Variants in USH2A observed in about 807,000 individuals in gnomAD.
The protein encoded by USH2A is Usher syndrome 2A (autosomal recessive, mild).
Under a neutral mutation model 538.9 loss-of-function variants are expected in USH2A, and 443 were observed. The observed-to-expected ratio is 0.82, with a 90% CI of 0.76 to 0.89. USH2A has a LOEUF of 0.89. Among genes scored for constraint, USH2A ranks in the 40% least tolerant of loss-of-function variants. The pLI is 0.00. For missense variants in USH2A, 6,633 were observed against 6,324.8 expected (o/e 1.05, Z -1.65); for synonymous variants, 2,413 against 2,273.5 (o/e 1.06, Z -1.75).
At position 215,675,057 on chromosome 1, in the gene USH2A, C is replaced by T. The variant is rs766491471; in HGVS notation, c.12854G>A (p.Trp4285Ter). 1.2e-6 allele frequency: 2 copies of T among 1,614,086 alleles called. No individual in the cohort carries two copies. Among genetic ancestry groups the T allele is most frequent in the South Asian group, 2.2e-5 (2 of 91,084 alleles). ...ACCATTAGACTGTTCTGGTGGGATC[C>T]AGGAAATCAGCAGTTTTTGGGGATT... ...SMNPQKLLIS[W>*]IPPEQSNGII... The change falls in exon 63 of 72, where the codon TGG (tryptophan) becomes TAG (stop). Residue 4285 changes from tryptophan to a stop codon, truncating the protein, a stop_gained. Coordinates refer to ENST00000307340, the MANE Select transcript of USH2A (RefSeq NM_206933.4). LOFTEE classifies it high-confidence loss of function.
intron 32 of USH2A, among the ~76,000 whole-genome samples, chr1:216,032,779 C>T (rs1669157968): frequency 6.6e-6 from 1 of 152,092 alleles, no homozygotes; most frequent in African/African-American, 2.4e-5. Context: ...AAGCTGATAG[C>T]AGCTCATGAC....
intron 4 of USH2A, among the ~76,000 whole-genome samples, chr1:216,353,187 G>T (rs1571731736): frequency 6.6e-6 from 1 of 152,076 alleles, no homozygotes; most frequent in African/African-American, 2.4e-5. Context: ...GTGAGAGATA[G>T]TGGAAAGTCG....
At chr1:216,329,365 T>C (rs1008476336) in intron 4 of USH2A, among the ~76,000 whole-genome samples, 14 of 152,116 alleles carry the variant, frequency 9.2e-5, no homozygotes, top group Non-Finnish European at 1.8e-4. Context: ...GGTAGAAAGA[T>C]GGACATGTCA....
chr1:216,324,223 T>C lies in USH2A; in HGVS notation c.1273A>G (p.Lys425Glu). 2 of 1,613,458 alleles carry C rather than the reference T, an allele frequency of 1.2e-6. No individual in the cohort carries two copies. Among genetic ancestry groups the C allele is most frequent in the Non-Finnish European group, 1.7e-6 (2 of 1,179,710 alleles). The change falls in exon 7 of 72, where the codon AAA (lysine) becomes GAA (glutamate). Residue 425 changes from lysine (K) to glutamate (E), a missense_variant. Coordinates refer to ENST00000307340, the MANE Select transcript of USH2A (RefSeq NM_206933.4). ...GGTTTTTCCAAATCTCCATTGTTTT[T>C]CATTCCAAAAGCACCACAATTCCTG... ...FARNCGAFGM[K>E]NNGDLEKPDS... is the part of the protein sequence containing the mutation.
At chr1:215,747,389 T>C (rs1363950080) in intron 58 of USH2A, among the ~76,000 whole-genome samples, 1 of 152,204 alleles carries the variant, frequency 6.6e-6, no homozygotes, top group Admixed American at 6.5e-5. Context: ...ATAATAGGCC[T>C]ATTTAAAGGC....
chr1:216,388,306 G>A (rs761166621), intron 3 of USH2A, among the ~76,000 whole-genome samples: 1 of 152,278 alleles, frequency 6.6e-6, no homozygotes, highest in African/African-American at 2.4e-5. Flanking sequence ...CTGTCCTTCA[G>A]TGCTCACTTT....
At chr1:216,248,538 A>G (rs2036096820) in intron 12 of USH2A, among the ~76,000 whole-genome samples, 1 of 152,010 alleles carries the variant, frequency 6.6e-6, no homozygotes, top group African/African-American at 2.4e-5. Context: ...GAAATACATA[A>G]TATATATGTA....
At chr1:216,346,918 A>C (rs1302387880) in intron 4 of USH2A, among the ~76,000 whole-genome samples, 1 of 152,178 alleles carries the variant, frequency 6.6e-6, no homozygotes, top group Admixed American at 6.6e-5. Flanking sequence ...TCGGTTTAAA[A>C]ATAATAAGTG....
intron 55 of USH2A, among the ~76,000 whole-genome samples, chr1:215,778,834 A>C (rs921926927): frequency 1.3e-5 from 2 of 152,228 alleles, no homozygotes; most frequent in African/African-American, 4.8e-5. Flanking sequence ...TAAATTACTT[A>C]ACTTCTCAAA....
chr1:215,638,543 CTG>C (rs1656571133), intron 69 of USH2A, among the ~76,000 whole-genome samples: 1 of 146,448 alleles, frequency 6.8e-6, no homozygotes, highest in African/African-American at 2.5e-5. Context: ...TCGCTTGAAC[CTG>C]GAGCTAGAGG....
At chr1:216,346,019 G>A (rs12085974) in intron 4 of USH2A, among the ~76,000 whole-genome samples, 1 of 152,050 alleles carries the variant, frequency 6.6e-6, no homozygotes, top group African/African-American at 2.4e-5. Context: ...CAGGTTCAGG[G>A]TTCAATTCCC....
rs185639964 is a variant in USH2A, at chr1:216,275,955, G to A, written c.1971+13325C>T. 3.6e-3 allele frequency among the ~76,000 whole-genome samples: 555 copies of A among 152,208 alleles called. 2 individuals are homozygous for A. The highest frequency in any genetic ancestry group is 0.017 in the Admixed American group (267 of 15,270). On this transcript the variant is annotated intron_variant, in intron 11 of 71. Transcript: ENST00000307340. The stretch of plus-strand genomic sequence containing the variant: ...TAAATACCCAGTTTAGCAATCTGCT[G>A]TAGGTTTCCTCTTAAGTGCTGAACA...
intron 3 of USH2A, among the ~76,000 whole-genome samples, chr1:216,389,838 A>G (rs2039070154): frequency 6.6e-6 from 1 of 152,146 alleles, no homozygotes; most frequent in Admixed American, 6.5e-5. Context: ...TCCCTTCAGA[A>G]CCATTGGAAA....
chr1:215,637,885 A>G (rs1656547727), intron 69 of USH2A, among the ~76,000 whole-genome samples: 1 of 152,164 alleles, frequency 6.6e-6, no homozygotes, highest in African/African-American at 2.4e-5. Context: ...TGGAATTTAA[A>G]ATAGGATATC....
intron 32 of USH2A, among the ~76,000 whole-genome samples, chr1:216,022,300 G>T (rs1668861440): frequency 6.6e-6 from 1 of 152,138 alleles, no homozygotes; most frequent in Non-Finnish European, 1.5e-5. Context: ...GGCATTCTTG[G>T]CGTGGGGTTG....
chr1:215,925,060 C>A (rs1666203968), intron 38 of USH2A, among the ~76,000 whole-genome samples: 1 of 152,156 alleles, frequency 6.6e-6, no homozygotes, highest in Admixed American at 6.6e-5. Flanking sequence ...AAATTGTTCA[C>A]AAATTATGAA....
At chr1:215,943,907 C>T (rs1036079118) in intron 37 of USH2A, among the ~76,000 whole-genome samples, 8 of 152,144 alleles carry the variant, frequency 5.3e-5, no homozygotes, top group Non-Finnish European at 5.9e-5. Flanking sequence ...TACCAAGAAT[C>T]ACCCATGAAT....
rs1440760268 is a variant in USH2A at position 215,878,875 on chromosome 1, G to A, written c.8447C>T (p.Thr2816Ile). The A allele has an allele frequency of 3.1e-6, 5 of 1,613,938 alleles. No homozygotes were observed. Among genetic ancestry groups the A allele is most frequent in the South Asian group, 2.2e-5 (2 of 91,088 alleles). ...AACATTCTGAGGTACGGTGGGGTGA[G>A]TGGTAACATAGGTAGGTAAACTCTC... ...CTESLPTYVT[T>I]HPTVPQNVGP... is the part of the protein sequence containing the mutation. Residue 2816 changes from threonine to isoleucine, a missense_variant, in exon 42 of 72, where the codon ACT becomes ATT. Coordinates refer to ENST00000307340, the MANE Select transcript of USH2A (RefSeq NM_206933.4).
chr1:216,053,459 T>C (rs1184537972), intron 30 of USH2A, among the ~76,000 whole-genome samples: 1 of 149,552 alleles, frequency 6.7e-6, no homozygotes, highest in Non-Finnish European at 1.5e-5. Flanking sequence ...GAAGTCTTTT[T>C]TTTTTTTTTT....
Sources: allele counts gnomAD v4.1 joint callset (sites outside exome capture counted in the v4.1 genomes callset), GRCh38; gene constraint gnomAD v4.1.1; transcripts MANE v1.5; gene names NCBI Gene and HGNC (gene_info 2026-07-23, HGNC 2026-07-21).